PI4K2B: variants seen among roughly 807,000 people sequenced by gnomAD.
PI4K2B encodes phosphatidylinositol 4-kinase type 2 beta.
Under a neutral mutation model 56.6 loss-of-function variants are expected in PI4K2B, and 46 were observed. That is an observed-to-expected ratio of 0.81 (90% CI 0.64 to 1.04). The LOEUF is 1.04. Ranked by LOEUF, PI4K2B falls within the 50% of genes least tolerant of loss-of-function variation. The pLI is 0.00. For missense variants in PI4K2B, 556 were observed against 607.7 expected (o/e 0.91, Z 0.89); for synonymous variants, 211 against 223.8 (o/e 0.94, Z 0.51).
rs1040799718 is a variant in PI4K2B, at chr4:25,239,715, C to T, written c.268+5284C>T. ...GGCGGGCTGAAGGGCTCCTCAAGTG[C>T]GGCCAGAGTGGGCGCCGAGGCCGAG... On this transcript the variant is annotated intron_variant, in intron 1 of 9. Coordinates refer to ENST00000264864, the MANE Select transcript of PI4K2B (RefSeq NM_018323.4). Among the ~76,000 whole-genome samples the T allele has an allele frequency of 7.9e-5, 12 of 152,190 alleles. No individual in the cohort carries two copies. The South Asian group carries it at 8.3e-4, about 11-fold the overall frequency.
rs1239255079 is a variant in PI4K2B, at chr4:25,273,773, C to T, written c.1273-3241C>T. ...CTAAAAACAAATCTGAGTATGTCTTCTGTTATTTAAAATTCCTATAATTTG... is the reference window on the plus strand; with the variant it reads ...CTAAAAACAAATCTGAGTATGTCTTTTGTTATTTAAAATTCCTATAATTTG... On this transcript the variant is annotated intron_variant, in intron 9 of 9. Coordinates refer to ENST00000264864, the MANE Select transcript of PI4K2B (RefSeq NM_018323.4). 1.3e-5 allele frequency among the ~76,000 whole-genome samples: 2 copies of T among 152,216 alleles called. 1 individual carries two copies. The highest frequency in any genetic ancestry group is 3.9e-4 in the East Asian group (2 of 5,194).
At chr4:25,234,462 C>T (rs911417636) in intron 1 of PI4K2B, 31 bp downstream of exon 1, 6 of 1,248,528 alleles carry the variant, frequency 4.8e-6, no homozygotes, top group Admixed American at 8.5e-5. Flanking sequence ...ACTCCCCGCG[C>T]CCCTCCGGGC....
Position 25,252,332 on chromosome 4 carries a change from A to T in PI4K2B, c.280A>T (p.Thr94Ser). 6.2e-7 allele frequency: 1 copy of T among 1,609,808 alleles called. No homozygotes were observed. Among genetic ancestry groups the T allele is most frequent in the Non-Finnish European group, 8.5e-7 (1 of 1,176,232 alleles). ...TCTTCTTAATGCAGTAACTATTGGTACTTCAGAGATGAATGCATTCTTGGA... is the reference window on the plus strand; with the variant it reads ...TCTTCTTAATGCAGTAACTATTGGTTCTTCAGAGATGAATGCATTCTTGGA... ...SRPAVSVTIG[T>S]SEMNAFLDDP... The change falls in exon 2 of 10, where the codon ACT (threonine) becomes TCT (serine). Residue 94 changes from threonine to serine, a missense_variant. Transcript: ENST00000264864.
intron 7 of PI4K2B, among the ~76,000 whole-genome samples, chr4:25,266,470 G>A (rs572436146): frequency 1.9e-3 from 282 of 152,182 alleles, no homozygotes; most frequent in African/African-American, 6.5e-3. Context: ...CTACTGATAC[G>A]CTTAAGCTTT....
Position 25,263,795 on chromosome 4 carries a change from G to A in PI4K2B, c.1024G>A (p.Ala342Thr). 6.5e-7 allele frequency: 1 copy of A among 1,540,490 alleles called. No individual in the cohort carries two copies. Among genetic ancestry groups the A allele is most frequent in the Non-Finnish European group, 9.0e-7 (1 of 1,114,438 alleles). Residue 342 changes from alanine to threonine, a missense_variant, in exon 7 of 10, where the codon GCA (alanine) becomes ACA (threonine). By Grantham distance (58) the Ala-to-Thr change is moderately conservative. Transcript: ENST00000264864. ...TGAAGAATTCCTTATTAAAATAGCTGCAATTGATAATGGTCTAGCATTTCC... is the reference window on the plus strand; with the variant it reads ...TGAAGAATTCCTTATTAAAATAGCTACAATTGATAATGGTCTAGCATTTCC... The part of the protein sequence containing the change: ...DDEEFLIKIA[A>T]IDNGLAFPFK...
intron 1 of PI4K2B, among the ~76,000 whole-genome samples, chr4:25,250,916 C>T (rs1426123265): frequency 6.6e-6 from 1 of 152,126 alleles, no homozygotes; most frequent in Non-Finnish European, 1.5e-5. Flanking sequence ...CGTGTGAGAT[C>T]ATGGATGATT....
intron 4 of PI4K2B, 114 bp from the exon 5 acceptor site, chr4:25,258,918 TGTTAA>T (rs1278131719): frequency 1.0e-5 from 5 of 500,358 alleles, no homozygotes; most frequent in Non-Finnish European, 1.8e-5. Context: ...TCTAAATTAG[TGTTAA>T]GTTTTCTTAT....
Position 25,279,034 on chromosome 4 carries a change from A to G in PI4K2B, c.*1847A>G, listed in dbSNP as rs1262554657. ...ATAGTATGGTTTTTTTTCAATAAGTATATTTATAGTGACAAATGTGGTAGA... is the reference window on the plus strand; with the variant it reads ...ATAGTATGGTTTTTTTTCAATAAGTGTATTTATAGTGACAAATGTGGTAGA... On this transcript the variant is annotated 3_prime_UTR_variant, in exon 10 of 10. Coordinates refer to ENST00000264864, the MANE Select transcript of PI4K2B (RefSeq NM_018323.4). 6.6e-6 allele frequency: 1 copy of G among 152,436 alleles called. No individual in the cohort carries two copies. The highest frequency in any genetic ancestry group is 1.9e-4 in the East Asian group (1 of 5,194). 9.4% of individuals were successfully genotyped at this position (152,436 alleles called of 1,614,324 possible).
chr4:25,235,856 AAATC>A (rs1715239069), intron 1 of PI4K2B, among the ~76,000 whole-genome samples: 1 of 152,292 alleles, frequency 6.6e-6, no homozygotes, highest in Admixed American at 6.5e-5. Context: ...GGCTAGAAAA[AAATC>A]AAAGCGAGAG....
Position 25,235,649 on chromosome 4 carries a change from G to T in PI4K2B, c.268+1218G>T, listed in dbSNP as rs565831631. On this transcript the variant is annotated intron_variant, in intron 1 of 9. Coordinates refer to ENST00000264864, the MANE Select transcript of PI4K2B (RefSeq NM_018323.4). ...GAAGCTGAAACCAGATCACAAACGG[G>T]TCTGCATTTGCCTAGCTACATTGGC... Among the ~76,000 whole-genome samples, 6 of 152,318 alleles carry T rather than the reference G, an allele frequency of 3.9e-5. No homozygotes were observed. The South Asian group carries it at 8.3e-4, about 21-fold the overall frequency.
intron 4 of PI4K2B, 83 bp downstream of exon 4, chr4:25,256,757 G>A (rs577046288): frequency 8.0e-7 from 1 of 1,257,752 alleles, no homozygotes; most frequent in Non-Finnish European, 1.1e-6. Flanking sequence ...TGTGCTATTA[G>A]CTGTGGATAT....
At position 25,277,261 on chromosome 4, in the gene PI4K2B, C is replaced by T. The variant is rs936519384; in HGVS notation, c.*74C>T. ...AAAACATCATAGTAATATAAATCTG[C>T]TGTTAGGAGCTCCAGTTGCTAAAAC... On this transcript the variant is annotated 3_prime_UTR_variant, in exon 10 of 10. Transcript: ENST00000264864. 14 of 1,438,756 alleles carry T rather than the reference C, an allele frequency of 9.7e-6. No homozygotes were observed. Among genetic ancestry groups the T allele is most frequent in the Middle Eastern group, 1.9e-4 (1 of 5,292 alleles). 89.1% of individuals were successfully genotyped at this position (1,438,756 alleles called of 1,614,324 possible).
At chr4:25,257,309 G>C (rs55840582) in intron 4 of PI4K2B, among the ~76,000 whole-genome samples, 1 of 151,730 alleles carries the variant, frequency 6.6e-6, no homozygotes, top group East Asian at 2.0e-4. Context: ...CAATCCTCTC[G>C]CTTTGGCCTC....
At chr4:25,246,756 C>T (rs1437773949) in intron 1 of PI4K2B, among the ~76,000 whole-genome samples, 1 of 152,114 alleles carries the variant, frequency 6.6e-6, no homozygotes, top group African/African-American at 2.4e-5. Flanking sequence ...CTGCAGGTCC[C>T]GAGCCCTGCC....
intron 9 of PI4K2B, among the ~76,000 whole-genome samples, chr4:25,274,645 A>G (rs1004699803): frequency 3.3e-5 from 5 of 152,154 alleles, no homozygotes; most frequent in African/African-American, 1.2e-4. Flanking sequence ...GTGAGTGCTC[A>G]GTAAGTGTTT....
At chr4:25,269,229 A>G (rs1193917677) in intron 9 of PI4K2B, 26 bp downstream of exon 9, 4 of 1,295,500 alleles carry the variant, frequency 3.1e-6, no homozygotes, top group East Asian at 2.3e-5. Flanking sequence ...ATTTGTTCAT[A>G]AGGAAAAAAA....
chr4:25,261,142 A>G (rs1226060872), intron 6 of PI4K2B, among the ~76,000 whole-genome samples: 1 of 152,070 alleles, frequency 6.6e-6, no homozygotes, highest in African/African-American at 2.4e-5. Context: ...GCTTTTATGT[A>G]ATAAAGGCTT....
intron 9 of PI4K2B, among the ~76,000 whole-genome samples, chr4:25,271,225 G>T (rs1716876494): frequency 6.6e-6 from 1 of 152,216 alleles, no homozygotes; most frequent in Non-Finnish European, 1.5e-5. Context: ...TTAAACACCA[G>T]ACTGTAGATT....
rs1464314396 is a variant in PI4K2B at position 25,234,399 on chromosome 4, C to T, written c.236C>T (p.Ala79Val). 1 of 1,389,178 alleles carries T rather than the reference C, an allele frequency of 7.2e-7. No homozygotes were observed. Among genetic ancestry groups the T allele is most frequent in the African/African-American group, 1.5e-5 (1 of 66,978 alleles). 86.1% of individuals were successfully genotyped at this position (1,389,178 alleles called of 1,614,324 possible). A position where few individuals can be genotyped will look rare whatever the true frequency, so the allele number is the denominator to read the frequency against. Residue 79 changes from alanine (A) to valine (V), a missense_variant, in exon 1 of 10, where the codon GCC becomes GTC. Ala to Val is a moderately conservative substitution (Grantham distance 64). Transcript: ENST00000264864. ...GTGGGGGTCTCCCGGAGTTCGTCCG[C>T]CGAGCTGGACCGGAGCCGCCCCGCG... Reference protein sequence around the residue: ...GDVGVSRSSSAELDRSRPAVS... With the variant: ...GDVGVSRSSSVELDRSRPAVS...
Sources: allele counts gnomAD v4.1 joint callset (sites outside exome capture counted in the v4.1 genomes callset), GRCh38; gene constraint gnomAD v4.1.1; transcripts MANE v1.5; gene names NCBI Gene and HGNC (gene_info 2026-07-23, HGNC 2026-07-21).